XKR4: variants seen among roughly 807,000 people sequenced by gnomAD.
XKR4 encodes the protein XK related 4, also known as XK-related protein 4.
In XKR4, 12 loss-of-function variants were observed where a neutral mutation model predicts 53.9. The ratio of observed to expected loss-of-function variants is 0.22; its 90% CI spans 0.14 to 0.36. The LOEUF (loss-of-function observed/expected upper bound fraction) is 0.36, where lower values mean the gene tolerates loss of function less well. Among genes scored for constraint, XKR4 ranks in the 10% least tolerant of loss-of-function variants. The pLI, the probability that XKR4 is intolerant of heterozygous loss-of-function variation, is 1.00. For missense variants in XKR4, 799 were observed against 859.5 expected, an observed-to-expected ratio of 0.93 and a Z score of 0.88; for synonymous variants, 354 against 362.4, an observed-to-expected ratio of 0.98 and a Z score of 0.26.
chr8:55,112,967 G>C (rs1313897712), intron 1 of XKR4, among the ~76,000 whole-genome samples: 2 of 152,116 alleles, frequency 1.3e-5, no homozygotes, highest in Admixed American at 1.3e-4. Flanking sequence ...ACTCGTAAGA[G>C]TGGCAGTCAC....
intron 1 of XKR4, among the ~76,000 whole-genome samples, chr8:55,326,437 A>G (rs915842177): frequency 2.0e-5 from 3 of 150,110 alleles, no homozygotes; most frequent in African/African-American, 7.4e-5. Flanking sequence ...AAGATATACT[A>G]CACAATATTC....
chr8:55,127,240 CTTT>C (rs56093804), intron 1 of XKR4, among the ~76,000 whole-genome samples: 1,562 of 143,474 alleles, frequency 0.011, 23 homozygotes, highest in African/African-American at 0.036. Flanking sequence ...GTGCCTAACT[CTTT>C]TTTTTTTTTT....
At chr8:55,384,478 T>G (rs1337203995) in intron 2 of XKR4, among the ~76,000 whole-genome samples, 1 of 152,222 alleles carries the variant, frequency 6.6e-6, no homozygotes, top group African/African-American at 2.4e-5. Flanking sequence ...TAACTTACCA[T>G]CTGAACTGCT....
intron 1 of XKR4, among the ~76,000 whole-genome samples, chr8:55,237,933 G>GA (rs1818156829): frequency 6.7e-6 from 1 of 149,298 alleles, no homozygotes; most frequent in African/African-American, 2.5e-5. Context: ...GCTTAGGTAA[G>GA]AAAAAAAAGG....
At chr8:55,427,402 G>C (rs1272653390) in intron 2 of XKR4, among the ~76,000 whole-genome samples, 1 of 152,054 alleles carries the variant, frequency 6.6e-6, no homozygotes, top group Non-Finnish European at 1.5e-5. Flanking sequence ...ATAGAGACAA[G>C]GTCTCACTAT....
At chr8:55,412,670 T>C (rs561238767) in intron 2 of XKR4, among the ~76,000 whole-genome samples, 3 of 152,352 alleles carry the variant, frequency 2.0e-5, no homozygotes, top group Admixed American at 1.3e-4. Context: ...TTGAATACCT[T>C]CTTGCTAGTC....
chr8:55,504,648 T>G (rs1806497388), intron 2 of XKR4, among the ~76,000 whole-genome samples: 1 of 152,196 alleles, frequency 6.6e-6, no homozygotes, highest in Non-Finnish European at 1.5e-5. Flanking sequence ...CCTCTTTAAA[T>G]ATTTGGTAAA....
chr8:55,106,030 A>G (rs1816142108), intron 1 of XKR4, among the ~76,000 whole-genome samples: 1 of 152,176 alleles, frequency 6.6e-6, no homozygotes, highest in African/African-American at 2.4e-5. Context: ...TACATTATAC[A>G]CAAATATTGC....
chr8:55,487,332 T>G (rs987600707), intron 2 of XKR4, among the ~76,000 whole-genome samples: 1 of 152,220 alleles, frequency 6.6e-6, no homozygotes, highest in Non-Finnish European at 1.5e-5. Flanking sequence ...CACAGTCAGT[T>G]GGCTGGTGCC....
At chr8:55,519,871 G>A (rs1806775561) in intron 2 of XKR4, among the ~76,000 whole-genome samples, 1 of 152,242 alleles carries the variant, frequency 6.6e-6, no homozygotes, top group Admixed American at 6.5e-5. Context: ...CAGAGACAGA[G>A]AGAGGGCAAT....
rs1806818499 is a variant in XKR4 at position 55,522,908 on chromosome 8, A to C, written c.1007-373A>C. Among the ~76,000 whole-genome samples the C allele has an allele frequency of 3.3e-5, 5 of 152,204 alleles. No individual in the cohort carries two copies. In the South Asian group the frequency reaches 1.0e-3, roughly 32 times the overall value. ...TATGGGTGAGCCTTAGAGAAGACAG[A>C]TACGAGGATCCCCATCTGAGTTAAA... On this transcript the variant is annotated intron_variant, in intron 2 of 2. Coordinates refer to ENST00000327381, the MANE Select transcript of XKR4 (RefSeq NM_052898.2).
intron 1 of XKR4, among the ~76,000 whole-genome samples, chr8:55,152,649 A>G (rs1816854232): frequency 6.9e-6 from 1 of 145,108 alleles, no homozygotes; most frequent in Non-Finnish European, 1.5e-5. Context: ...AAAAATGAGA[A>G]AAGCTGATAA....
At chr8:55,504,688 G>A (rs1197640282) in intron 2 of XKR4, among the ~76,000 whole-genome samples, 1 of 152,010 alleles carries the variant, frequency 6.6e-6, no homozygotes, top group African/African-American at 2.4e-5. Flanking sequence ...AGATCCCTGG[G>A]CTTTTCTTTG....
chr8:55,184,359 C>T (rs969094586), intron 1 of XKR4, among the ~76,000 whole-genome samples: 4 of 152,142 alleles, frequency 2.6e-5, no homozygotes, highest in Non-Finnish European at 2.9e-5. Flanking sequence ...CTAGATGTCT[C>T]GCAGATAATT....
chr8:55,470,716 T>G (rs764368179), intron 2 of XKR4, among the ~76,000 whole-genome samples: 2 of 152,194 alleles, frequency 1.3e-5, no homozygotes, highest in Non-Finnish European at 2.9e-5. Context: ...ACTATCATTA[T>G]CATTATTATT....
chr8:55,350,744 T>C (rs1803713103), intron 1 of XKR4, among the ~76,000 whole-genome samples: 1 of 145,840 alleles, frequency 6.9e-6, no homozygotes, highest in Non-Finnish European at 1.5e-5. Context: ...TTTTCTTTTT[T>C]TTTTTTTTTT....
intron 1 of XKR4, among the ~76,000 whole-genome samples, chr8:55,208,234 A>G (rs1285908052): frequency 6.6e-6 from 1 of 152,210 alleles, no homozygotes; most frequent in Non-Finnish European, 1.5e-5. Context: ...TATTAACTAG[A>G]GTCCTAGTGC....
chr8:55,507,664 C>T (rs1806562096), intron 2 of XKR4, among the ~76,000 whole-genome samples: 1 of 152,108 alleles, frequency 6.6e-6, no homozygotes, highest in Admixed American at 6.5e-5. Context: ...CATGTCCCTG[C>T]AAAGGACATG....
chr8:55,335,926 T>A (rs1803452719), intron 1 of XKR4, among the ~76,000 whole-genome samples: 1 of 151,762 alleles, frequency 6.6e-6, no homozygotes, highest in Non-Finnish European at 1.5e-5. Flanking sequence ...TTGGTGGTGG[T>A]TAGAACCATA....
Sources: gnomAD v4.1 joint callset for allele counts (sites outside exome capture counted in the v4.1 genomes callset) on GRCh38, gnomAD v4.1.1 for gene constraint, MANE v1.5 for transcripts, NCBI Gene and HGNC (gene_info 2026-07-23, HGNC 2026-07-21) for gene names.